The following UCKL1 variants were observed in gnomAD, a reference collection of about 807,000 sequenced individuals.
The protein encoded by UCKL1 is uridine-cytidine kinase 1 like 1, also known as uridine-cytidine kinase-like 1.
UCKL1 carries 65 observed loss-of-function variants against 59.2 expected under a neutral mutation model. That is an observed-to-expected ratio of 1.10 (90% CI 0.90 to 1.35). The LOEUF is 1.35. Among genes scored for constraint, UCKL1 ranks in the 40% most tolerant of loss-of-function variants. UCKL1 has a pLI of 0.00. For missense variants in UCKL1, 703 were observed against 784.3 expected (o/e 0.90, Z 1.24); for synonymous variants, 410 against 323.1 (o/e 1.27, Z -2.88).
chr20:63,950,907 G>T (rs139792184), intron 1 of UCKL1: 1 of 1,409,904 alleles, frequency 7.1e-7, no homozygotes, highest in Non-Finnish European at 9.2e-7. Context: ...GCAGGCAGCC[G>T]TGGGGGACAT....
In UCKL1 at chr20:63,940,147, C is replaced by T. The variant is rs752516222; in HGVS notation, c.1567+3G>A. On this transcript the variant is annotated splice_donor_region_variant and intron_variant, in intron 14 of 14. Coordinates refer to ENST00000354216, the MANE Select transcript of UCKL1 (RefSeq NM_017859.4). ...TGCGGCTGAAGGGCCCGGGCAGCCT[C>T]ACCAATGCCTGGGATGATGCGGAAA... The T allele has an allele frequency of 8.1e-5, 131 of 1,612,668 alleles. No individual in the cohort carries two copies. Among genetic ancestry groups the T allele is most frequent in the South Asian group, 4.2e-4 (38 of 91,078 alleles).
In UCKL1 at chr20:63,945,723, C is replaced by T; in HGVS notation, c.583-1G>A. The T allele has an allele frequency of 4.3e-6, 7 of 1,613,002 alleles. No homozygotes were observed. Among genetic ancestry groups the T allele is most frequent in the Non-Finnish European group, 5.9e-6 (7 of 1,179,664 alleles). ...TGACGTTTGCACCATACAGTGTTTT[C>T]TGTGAAGAAACCCAGGAGTTGCGGA... On this transcript the variant is annotated splice_acceptor_variant, in intron 4 of 14. Coordinates refer to ENST00000354216, the MANE Select transcript of UCKL1 (RefSeq NM_017859.4). LOFTEE classifies it high-confidence loss of function.
intron 1 of UCKL1, among the ~76,000 whole-genome samples, chr20:63,951,580 C>T (rs541485101): frequency 6.6e-6 from 1 of 152,206 alleles, no homozygotes; most frequent in Non-Finnish European, 1.5e-5. Flanking sequence ...AAAATAACTG[C>T]CTTGCCCTAC....
chr20:63,946,434 A>G lies in UCKL1; in HGVS notation c.304+19T>C, dbSNP rs1569093834. ...AGGCAGGCGTCCGGCAGCAGGTCCC[A>G]CCCCCCCGCTGCTCTCACCGATGGC... On this transcript the variant is annotated intron_variant, in intron 2 of 14. Transcript: ENST00000354216. 4 of 1,526,218 alleles carry G rather than the reference A, an allele frequency of 2.6e-6. No individual in the cohort carries two copies. Among genetic ancestry groups the G allele is most frequent in the East Asian group, 2.4e-5 (1 of 42,282 alleles). The allele number at this position is 1,526,218 out of a possible 1,614,324, so 94.5% of individuals were successfully genotyped here.
chr20:63,948,969 G>C (rs73916676), intron 1 of UCKL1, among the ~76,000 whole-genome samples: 5,215 of 103,084 alleles, frequency 0.051, 267 homozygotes, highest in African/African-American at 0.17. Context: ...TGCACACACA[G>C]GGGGCAGTGG....
chr20:63,944,026 GAA>G (rs1425821591), intron 7 of UCKL1, among the ~76,000 whole-genome samples: 1 of 152,224 alleles, frequency 6.6e-6, no homozygotes. Flanking sequence ...GACCCCCTGA[GAA>G]AGAGAGGAGC....
intron 1 of UCKL1, among the ~76,000 whole-genome samples, chr20:63,947,711 C>G (rs2056624805): frequency 6.6e-6 from 1 of 152,252 alleles, no homozygotes; most frequent in Admixed American, 6.5e-5. Context: ...CGGCATCTGG[C>G]AAACACCAGA....
chr20:63,948,052 A>G (rs2056730506), intron 1 of UCKL1, among the ~76,000 whole-genome samples: 1 of 152,250 alleles, frequency 6.6e-6, no homozygotes, highest in Non-Finnish European at 1.5e-5. Context: ...GCTCAGATGC[A>G]GAGCCTGGTG....
chr20:63,954,748 C>G (rs2058279308), intron 1 of UCKL1: 1 of 152,294 alleles, frequency 6.6e-6, no homozygotes, highest in South Asian at 2.1e-4. Context: ...TGGAGCTTCC[C>G]TCCTGTCCCT....
chr20:63,950,845 G>A lies in UCKL1; in HGVS notation c.114-4202C>T, dbSNP rs1393033439. ...TGCTCATGGTCGAGGACACGGGTGGGTGCTCCTGAACAGCAGAGTGGCCCC... is the reference window on the plus strand; with the variant it reads ...TGCTCATGGTCGAGGACACGGGTGGATGCTCCTGAACAGCAGAGTGGCCCC... On this transcript the variant is annotated intron_variant, in intron 1 of 14. Transcript: ENST00000354216. 2.7e-6 allele frequency: 4 copies of A among 1,506,658 alleles called. No homozygotes were observed. In the South Asian group the frequency reaches 3.9e-5, roughly 15 times the overall value. 93.3% of individuals were successfully genotyped at this position (1,506,658 alleles called of 1,614,324 possible).
Position 63,944,621 on chromosome 20 carries a change from G to T in UCKL1, c.768C>A (p.Tyr256Ter). 1.1e-5 allele frequency: 17 copies of T among 1,613,190 alleles called. No individual in the cohort carries two copies. Among genetic ancestry groups the T allele is most frequent in the Non-Finnish European group, 1.4e-5 (17 of 1,179,930 alleles). Residue 256 changes from tyrosine (Y) to a stop codon, truncating the protein, a stop_gained, in exon 6 of 15, where the codon TAC becomes TAA. Transcript: ENST00000354216. LOFTEE classifies it high-confidence loss of function. ...CGAAGGAGGGCTTGACAAACTTGTT[G>T]TACTGCTTGATGACACCCTCGATGT... Reference protein sequence around the residue: ...GRDIEGVIKQYNKFVKPSFDQ... With the variant: ...GRDIEGVIKQ
chr20:63,950,866 G>T lies in UCKL1; in HGVS notation c.114-4223C>A. 2.0e-6 allele frequency: 3 copies of T among 1,466,290 alleles called. No individual in the cohort carries two copies. The South Asian group carries it at 4.2e-5, about 21-fold the overall frequency. The allele number at this position is 1,466,290 out of a possible 1,614,324, so 90.8% of individuals were successfully genotyped here. A position where few individuals can be genotyped will look rare whatever the true frequency, so the allele number is the denominator to read the frequency against. On this transcript the variant is annotated intron_variant, in intron 1 of 14. Coordinates refer to ENST00000354216, the MANE Select transcript of UCKL1 (RefSeq NM_017859.4). ...GTGGGTGCTCCTGAACAGCAGAGTG[G>T]CCCCAGGGGTGGATGCGTGGGGGCT... is the stretch of plus-strand genomic sequence containing the variant.
Position 63,951,285 on chromosome 20 carries a change from C to T in UCKL1, c.114-4642G>A, listed in dbSNP as rs538301247. On this transcript the variant is annotated intron_variant, in intron 1 of 14. Transcript: ENST00000354216. ...CAGCCCTCGGTGTGAACTGCCCCCT[C>T]CTGTGTGTGGGCTGGCACATTCGGC... The T allele has an allele frequency of 1.1e-4, 94 of 835,870 alleles. No individual in the cohort carries two copies. The African/African-American group carries it at 1.7e-3, about 15-fold the overall frequency. 51.8% of individuals were successfully genotyped at this position (835,870 alleles called of 1,614,324 possible).
chr20:63,941,004 G>A lies in UCKL1; in HGVS notation c.1062C>T (p.Ser354=). 1.9e-6 allele frequency: 3 copies of A among 1,546,320 alleles called. No homozygotes were observed. Among genetic ancestry groups the A allele is most frequent in the Non-Finnish European group, 2.6e-6 (3 of 1,144,544 alleles). Residue 354 remains serine, a synonymous_variant, in exon 10 of 15, where the codon TCC becomes TCT. Transcript: ENST00000354216. ...ETSRDEFIFY[S]KRLMRLLIEH... ...CGATGAGCAGCCGCATCAGTCTCTT[G>A]GAGTAGAAGATGAACTCGTCGCGAC... is the stretch of plus-strand genomic sequence containing the variant.
At position 63,946,167 on chromosome 20, in the gene UCKL1, G is replaced by A; in HGVS notation, c.405C>T (p.Phe135=). Residue 135 remains phenylalanine (F), a synonymous_variant, in exon 3 of 15, where the codon TTC becomes TTT. Transcript: ENST00000354216. ...GAGCTGGGCGGGGGCCCACCTTGTA[G>A]AAGGAGTCCATGGACAGCAAGACCA... ...PWVVLLSMDS[F]YKVLTEQQQE... is the part of the protein sequence containing the mutation. 6.2e-7 allele frequency: 1 copy of A among 1,612,174 alleles called. No homozygotes were observed. Among genetic ancestry groups the A allele is most frequent in the Non-Finnish European group, 8.5e-7 (1 of 1,179,636 alleles).
chr20:63,941,711 T>C (rs817370), intron 8 of UCKL1: 110,510 of 209,150 alleles, frequency 0.53, 31,035 homozygotes, highest in East Asian at 0.74. Context: ...CTCTTGGCTG[T>C]CCCGTCCCGC....
chr20:63,944,850 C>A, intron 5 of UCKL1, 116 bp from the exon 6 acceptor site: 2 of 1,305,996 alleles, frequency 1.5e-6, no homozygotes, highest in Non-Finnish European at 1.0e-6. Context: ...AGCCACTTCC[C>A]CAGGGCACCC....
chr20:63,940,280 G>C lies in UCKL1; in HGVS notation c.1437C>G (p.Ile479Met). 1 of 1,612,698 alleles carries C rather than the reference G, an allele frequency of 6.2e-7. No individual in the cohort carries two copies. Among genetic ancestry groups the C allele is most frequent in the Non-Finnish European group, 8.5e-7 (1 of 1,179,988 alleles). ...LLDHDVPEDK[I>M]FLLSLLMAEM... ...CTGCCATGAGCAGCGACAGCAAAAA[G>C]ATCTTGTCCTCAGGCACGTCGTGGT... The change falls in exon 14 of 15, where the codon ATC (isoleucine) becomes ATG (methionine). Residue 479 changes from isoleucine to methionine, a missense_variant. Physicochemically the swap from Ile to Met is conservative, Grantham distance 10 (BLOSUM62 1). This residue lies in a region of UCKL1 where 124 missense variants were observed against 161.1 expected (regional missense o/e 0.77). Coordinates refer to ENST00000354216, the MANE Select transcript of UCKL1 (RefSeq NM_017859.4).
At chr20:63,944,836 C>T (rs1473988055) in intron 5 of UCKL1, 102 bp from the exon 6 acceptor site, 9 of 1,419,548 alleles carry the variant, frequency 6.3e-6, no homozygotes, top group Non-Finnish European at 8.6e-6. Context: ...GTGGGCCTGG[C>T]CAGAGCCACT....
Sources: gnomAD v4.1 joint callset for allele counts (sites outside exome capture counted in the v4.1 genomes callset) on GRCh38, gnomAD v4.1.1 for gene constraint, gnomAD v4.1.1 regional missense constraint, MANE v1.5 for transcripts, NCBI Gene and HGNC (gene_info 2026-07-23, HGNC 2026-07-21) for gene names.